Variants in MKKS observed in about 807,000 individuals in gnomAD.
The protein encoded by MKKS is MKKS centrosomal shuttling protein.
In MKKS, 29 loss-of-function variants were observed where a neutral mutation model predicts 33.2. The observed-to-expected ratio is 0.87, with a 90% CI of 0.65 to 1.19. The LOEUF (loss-of-function observed/expected upper bound fraction) is 1.19. Ranked by LOEUF, MKKS falls within the 50% of genes most tolerant of loss-of-function variation. The pLI, the probability that MKKS is intolerant of heterozygous loss-of-function variation, is 0.00. For missense variants in MKKS, 661 were observed against 662.3 expected (o/e 1.00, Z 0.02); for synonymous variants, 260 against 244.0 (o/e 1.07, Z -0.61).
intron 1 of MKKS, among the ~76,000 whole-genome samples, chr20:10,430,341 C>CTTCA (rs1477348695): frequency 6.6e-6 from 1 of 152,194 alleles, no homozygotes; most frequent in Admixed American, 6.5e-5. Context: ...TCTCATTGTG[C>CTTCA]TTCAGTTCCA....
chr20:10,412,619 G>A lies in MKKS; in HGVS notation c.896C>T (p.Pro299Leu), dbSNP rs756083063. ...DLVLCQKVIH[P>L]SLKQFLNMHR... ...CATATTGAGAAACTGCTTCAAAGATGGATGTATAACTTTTTGGCACAGGAC... is the reference window on the plus strand; with the variant it reads ...CATATTGAGAAACTGCTTCAAAGATAGATGTATAACTTTTTGGCACAGGAC... Residue 299 changes from proline to leucine, a missense_variant, in exon 3 of 6, where the codon CCA becomes CTA. Coordinates refer to ENST00000347364, the MANE Select transcript of MKKS (RefSeq NM_170784.3). 3.1e-6 allele frequency: 5 copies of A among 1,614,090 alleles called. No individual in the cohort carries two copies. The South Asian group carries it at 4.4e-5, about 14-fold the overall frequency.
At chr20:10,421,095 C>T (rs533196105) in intron 1 of MKKS, among the ~76,000 whole-genome samples, 6 of 151,708 alleles carry the variant, frequency 4.0e-5, no homozygotes, top group Non-Finnish European at 7.4e-5. Context: ...CTCTGAGCCA[C>T]AATAGAGTAA....
chr20:10,427,037 C>CACAGACACACACACAG (rs1416662898), intron 1 of MKKS, among the ~76,000 whole-genome samples: 2 of 67,914 alleles, frequency 2.9e-5, no homozygotes, highest in Non-Finnish European at 5.1e-5. Context: ...CTGACACACA[C>CACAGACACACACACAG]ACACACACAC....
chr20:10,429,556 C>G (rs1331491845), intron 1 of MKKS, among the ~76,000 whole-genome samples: 1 of 152,192 alleles, frequency 6.6e-6, no homozygotes, highest in Non-Finnish European at 1.5e-5. Context: ...CTCTTTCCCT[C>G]CCAAACTGCT....
chr20:10,410,393 G>A (rs2064874597), intron 3 of MKKS, among the ~76,000 whole-genome samples: 1 of 152,170 alleles, frequency 6.6e-6, no homozygotes, highest in South Asian at 2.1e-4. Flanking sequence ...TACTTTGGGA[G>A]GTTGAGATGG....
rs1263047863 is a variant in MKKS at position 10,413,450 on chromosome 20, A to T, written c.65T>A (p.Val22Asp). 7 of 1,613,560 alleles carry T rather than the reference A, an allele frequency of 4.3e-6. No homozygotes were observed. The highest frequency in any genetic ancestry group is 1.6e-4 in the Middle Eastern group (1 of 6,082). ...CKSEPLTTER[V>D]RTTLSVLKRI... ...TTTCAAGACAGAAAGTGTGGTCCTG[A>T]CTCTCTCAGTTGTCAGTGGTTCACT... Residue 22 changes from valine to aspartate, a missense_variant, in exon 3 of 6, where the codon GTC becomes GAC. Coordinates refer to ENST00000347364, the MANE Select transcript of MKKS (RefSeq NM_170784.3).
intron 1 of MKKS, among the ~76,000 whole-genome samples, chr20:10,427,746 C>G (rs2065026056): frequency 6.6e-6 from 1 of 152,158 alleles, no homozygotes; most frequent in Admixed American, 6.5e-5. Flanking sequence ...TAAAATAACA[C>G]TCATTTTGCT....
At chr20:10,430,895 C>T (rs189394629) in intron 1 of MKKS, among the ~76,000 whole-genome samples, 6 of 152,302 alleles carry the variant, frequency 3.9e-5, no homozygotes, top group East Asian at 1.9e-4. Flanking sequence ...TTTTCAGACA[C>T]GCTGTTGGTC....
chr20:10,413,694 G>A lies in MKKS; in HGVS notation c.-180C>T, dbSNP rs1600849864. The A allele has an allele frequency of 1.6e-6, 1 of 644,162 alleles. No individual in the cohort carries two copies. The allele number at this position is 644,162 out of a possible 1,614,324, so 39.9% of individuals were successfully genotyped here. A position where few individuals can be genotyped will look rare whatever the true frequency, so the allele number is the denominator to read the frequency against. ...TTTATGAAGCTAATCAGCATAGAATGATTTAATGACAAATTAGTAATTCCA... is the reference window on the plus strand; with the variant it reads ...TTTATGAAGCTAATCAGCATAGAATAATTTAATGACAAATTAGTAATTCCA... On this transcript the variant is annotated 5_prime_UTR_variant, in exon 3 of 6. Transcript: ENST00000347364.
At chr20:10,409,296 T>C (rs1022618728) in intron 3 of MKKS, among the ~76,000 whole-genome samples, 2 of 152,344 alleles carry the variant, frequency 1.3e-5, no homozygotes, top group Non-Finnish European at 1.5e-5. Flanking sequence ...ATAGTGAATA[T>C]GTAAGAATTA....
intron 1 of MKKS, among the ~76,000 whole-genome samples, chr20:10,422,905 GT>G (rs2064991354): frequency 6.6e-6 from 1 of 151,816 alleles, no homozygotes; most frequent in African/African-American, 2.4e-5. Context: ...TAGAGACAGG[GT>G]TTCACCGTGT....
chr20:10,411,729 G>GA (rs2064889059), intron 3 of MKKS, among the ~76,000 whole-genome samples: 1 of 152,176 alleles, frequency 6.6e-6, no homozygotes, highest in Admixed American at 6.5e-5. Flanking sequence ...TTAAAAATTG[G>GA]AAACAATGCA....
At chr20:10,423,019 C>A (rs2064992265) in intron 1 of MKKS, among the ~76,000 whole-genome samples, 1 of 152,030 alleles carries the variant, frequency 6.6e-6, no homozygotes, top group African/African-American at 2.4e-5. Flanking sequence ...CCCTTCAAGT[C>A]ACATTACTTT....
intron 1 of MKKS, among the ~76,000 whole-genome samples, chr20:10,431,007 C>T (rs879896082): frequency 1.3e-5 from 2 of 152,188 alleles, no homozygotes; most frequent in East Asian, 3.8e-4. Context: ...AATTACTTCT[C>T]TCCTGCCTCA....
At position 10,404,710 on chromosome 20, in the gene MKKS, T is replaced by G. The variant is rs556603909; in HGVS notation, c.*537A>C. ...TACAAATTGCAGGCAAACCAGGTTCTACTCAATTACCTAACCACTGAAGAA... is the reference window on the plus strand; with the variant it reads ...TACAAATTGCAGGCAAACCAGGTTCGACTCAATTACCTAACCACTGAAGAA... On this transcript the variant is annotated 3_prime_UTR_variant, in exon 6 of 6. Transcript: ENST00000347364. 3 of 152,368 alleles carry G rather than the reference T, an allele frequency of 2.0e-5. No homozygotes were observed. The South Asian group carries it at 6.2e-4, about 32-fold the overall frequency. 9.4% of individuals were successfully genotyped at this position (152,368 alleles called of 1,614,324 possible).
chr20:10,416,280 CCTAAAAGCAAATGGAGTTCT>C (rs2064938284), intron 2 of MKKS, among the ~76,000 whole-genome samples: 1 of 151,972 alleles, frequency 6.6e-6, no homozygotes, highest in East Asian at 1.9e-4. Flanking sequence ...GAAAGTTTTT[CCTAAAAGCAAATGGAGTTCT>C]TTGGCAAAAA....
chr20:10,425,077 A>T (rs1305822491), intron 1 of MKKS, among the ~76,000 whole-genome samples: 1 of 151,404 alleles, frequency 6.6e-6, no homozygotes, highest in African/African-American at 2.4e-5. Flanking sequence ...GAAAGAAAGA[A>T]AATTAGCATT....
intron 1 of MKKS, among the ~76,000 whole-genome samples, chr20:10,424,144 C>T (rs2064998914): frequency 1.3e-5 from 2 of 152,090 alleles, no homozygotes; most frequent in South Asian, 4.1e-4. Context: ...AAGTATCACA[C>T]TGTACATATA....
At chr20:10,425,021 C>G (rs1057390373) in intron 1 of MKKS, among the ~76,000 whole-genome samples, 4 of 151,398 alleles carry the variant, frequency 2.6e-5, no homozygotes, top group Admixed American at 2.6e-4. Flanking sequence ...CCATTGCACT[C>G]CCACCTAGGC....
Sources: gnomAD v4.1 joint callset for allele counts (sites outside exome capture counted in the v4.1 genomes callset) on GRCh38, gnomAD v4.1.1 for gene constraint, MANE v1.5 for transcripts, NCBI Gene and HGNC (gene_info 2026-07-23, HGNC 2026-07-21) for gene names.